EPB41L3: variants seen among roughly 807,000 people sequenced by gnomAD.
The protein encoded by EPB41L3 is erythrocyte membrane protein band 4.1 like 3.
Under a neutral mutation model 127.1 loss-of-function variants are expected in EPB41L3, and 57 were observed. The observed-to-expected ratio is 0.45, with a 90% confidence interval of 0.36 to 0.56. EPB41L3 has a LOEUF of 0.56. Among genes scored for constraint, EPB41L3 ranks in the 20% least tolerant of loss-of-function variants. The pLI, the probability that EPB41L3 is intolerant of heterozygous loss-of-function variation, is 0.00. For synonymous variants in EPB41L3, 572 were observed against 549.5 expected, an observed-to-expected ratio of 1.04 and a Z score of -0.57; for missense variants, 1,273 against 1,372.2, an observed-to-expected ratio of 0.93 and a Z score of 1.14.
intron 11 of EPB41L3, among the ~76,000 whole-genome samples, chr18:5,421,307 G>GAA (rs112040797): frequency 6.6e-6 from 1 of 150,394 alleles, no homozygotes; most frequent in Admixed American, 6.6e-5. Context: ...TGATATTCAG[G>GAA]AAAAAAAAAG....
chr18:5,464,603 G>T (rs1222969802), intron 3 of EPB41L3, among the ~76,000 whole-genome samples: 1 of 152,044 alleles, frequency 6.6e-6, no homozygotes, highest in Non-Finnish European at 1.5e-5. Flanking sequence ...CTACTATTGA[G>T]TCCCTAGTCA....
At chr18:5,532,160 T>A (rs971515303) in intron 1 of EPB41L3, among the ~76,000 whole-genome samples, 1 of 151,940 alleles carries the variant, frequency 6.6e-6, no homozygotes, top group Non-Finnish European at 1.5e-5. Flanking sequence ...ATGTTAAACA[T>A]CCCCTAAATG....
chr18:5,437,851 C>G (rs372942987), intron 6 of EPB41L3, among the ~76,000 whole-genome samples, 184 bp downstream of exon 6: 3 of 152,282 alleles, frequency 2.0e-5, no homozygotes, highest in African/African-American at 7.2e-5. Context: ...AAAGATTCAA[C>G]AGTGAAAAGA....
chr18:5,484,109 A>G (rs1012260205), intron 2 of EPB41L3, among the ~76,000 whole-genome samples: 1 of 143,806 alleles, frequency 7.0e-6, no homozygotes, highest in Non-Finnish European at 1.5e-5. Context: ...AAAAAAAAAA[A>G]AAAAAAAAAA....
intron 3 of EPB41L3, among the ~76,000 whole-genome samples, chr18:5,587,097 A>G (rs1019288086): frequency 6.6e-6 from 1 of 152,194 alleles, no homozygotes; most frequent in South Asian, 2.1e-4. Flanking sequence ...ATTAACTCGT[A>G]TAAGTTACTA....
chr18:5,599,008 T>G (rs2094563334), intron 3 of EPB41L3, among the ~76,000 whole-genome samples: 1 of 152,128 alleles, frequency 6.6e-6, no homozygotes. Flanking sequence ...CATGAGGATT[T>G]TGGAAGTTTG....
chr18:5,583,004 C>T (rs910218506), intron 3 of EPB41L3, among the ~76,000 whole-genome samples: 12 of 152,176 alleles, frequency 7.9e-5, no homozygotes, highest in Admixed American at 7.2e-4. Flanking sequence ...GATGAATCAG[C>T]CCTCATCACT....
chr18:5,630,413 G>A (rs545655639), upstream of EPB41L3: 4 of 518,852 alleles, frequency 7.7e-6, no homozygotes, highest in Admixed American at 5.8e-5. Context: ...GCCCCTCCCG[G>A]AGCTTGTTCG....
intron 14 of EPB41L3, 73 bp from the exon 15 acceptor site, chr18:5,407,809 T>A: frequency 6.9e-7 from 1 of 1,443,512 alleles, no homozygotes; most frequent in Non-Finnish European, 9.7e-7. Flanking sequence ...AACTATGGTC[T>A]ACATAGACTT....
intron 3 of EPB41L3, among the ~76,000 whole-genome samples, chr18:5,573,488 GC>G (rs1310103866): frequency 6.6e-6 from 1 of 152,200 alleles, no homozygotes; most frequent in Non-Finnish European, 1.5e-5. Flanking sequence ...ACTCTTAGAA[GC>G]CACTATGGCT....
intron 3 of EPB41L3, among the ~76,000 whole-genome samples, chr18:5,554,747 T>C (rs2094010393): frequency 6.6e-6 from 1 of 152,012 alleles, no homozygotes; most frequent in Non-Finnish European, 1.5e-5. Flanking sequence ...GCATTTATAT[T>C]CTGAGGACAA....
At chr18:5,605,399 T>C (rs1213838422) in intron 3 of EPB41L3, among the ~76,000 whole-genome samples, 1 of 151,950 alleles carries the variant, frequency 6.6e-6, no homozygotes, top group Non-Finnish European at 1.5e-5. Context: ...TTCTTTATTT[T>C]TTTTAGATGG....
At chr18:5,592,529 G>T (rs961211123) in intron 3 of EPB41L3, among the ~76,000 whole-genome samples, 2 of 152,230 alleles carry the variant, frequency 1.3e-5, no homozygotes, top group South Asian at 2.1e-4. Context: ...TCCTGGCTAG[G>T]CTGGCTAAGG....
chr18:5,467,541 CAAG>C (rs1189580969), intron 3 of EPB41L3: 1 of 152,100 alleles, frequency 6.6e-6, no homozygotes, highest in Non-Finnish European at 1.5e-5. Context: ...CTTCCAGCCA[CAAG>C]AAGACGGCAA....
chr18:5,532,269 G>C (rs2093436389), intron 1 of EPB41L3, among the ~76,000 whole-genome samples: 1 of 152,158 alleles, frequency 6.6e-6, no homozygotes, highest in Admixed American at 6.5e-5. Context: ...TCATCCCCTT[G>C]TTTAAAATAC....
intron 3 of EPB41L3, among the ~76,000 whole-genome samples, chr18:5,584,739 C>T (rs1382172928): frequency 6.6e-6 from 1 of 152,124 alleles, no homozygotes; most frequent in South Asian, 2.1e-4. Context: ...AGAATTTTAC[C>T]ACTATAATCA....
upstream of EPB41L3, among the ~76,000 whole-genome samples, chr18:5,547,703 T>C (rs2093903552): frequency 6.6e-6 from 1 of 152,180 alleles, no homozygotes; most frequent in South Asian, 2.1e-4. Flanking sequence ...CATCCCAAGC[T>C]GAAGAGATTG....
intron 3 of EPB41L3, among the ~76,000 whole-genome samples, chr18:5,596,423 T>C (rs1039205963): frequency 6.6e-6 from 1 of 152,302 alleles, no homozygotes; most frequent in East Asian, 1.9e-4. Context: ...AAGCTGGGTG[T>C]GACCCACCAA....
In EPB41L3 at chr18:5,423,360, C is replaced by T. The variant is rs1298820759; in HGVS notation, c.1339+18G>A. On this transcript the variant is annotated intron_variant, in intron 11 of 22. Coordinates refer to ENST00000341928, the MANE Select transcript of EPB41L3 (RefSeq NM_012307.5). The stretch of plus-strand genomic sequence containing the variant: ...GGGGTAGGTACTAGGTTATTAAGGG[C>T]CAGTAAGCGATGCCTACCTCCATCC... The T allele has an allele frequency of 6.3e-7, 1 of 1,586,666 alleles. No individual in the cohort carries two copies. The highest frequency in any genetic ancestry group is 2.3e-5 in the East Asian group (1 of 44,266).
Sources: allele counts gnomAD v4.1 joint callset (sites outside exome capture counted in the v4.1 genomes callset), GRCh38; gene constraint gnomAD v4.1.1; transcripts MANE v1.5; gene names NCBI Gene and HGNC (gene_info 2026-07-23, HGNC 2026-07-21).